Variants in ORC5 observed in about 807,000 individuals in gnomAD.
ORC5 encodes protein phosphatase 1, regulatory subunit 117.
ORC5 carries 39 observed loss-of-function variants against 58.8 expected under a neutral mutation model. The ratio of observed to expected loss-of-function variants is 0.66; its 90% CI spans 0.51 to 0.87. ORC5 has a LOEUF of 0.87. ORC5 is among the 40% of genes least tolerant of loss of function. The pLI is 0.00. For synonymous variants in ORC5, 218 were observed against 177.6 expected (o/e 1.23, Z -1.81); for missense variants, 493 against 506.3 (o/e 0.97, Z 0.25).
intron 8 of ORC5, among the ~76,000 whole-genome samples, chr7:104,175,172 T>G (rs917129117): frequency 3.3e-5 from 5 of 152,196 alleles, no homozygotes; most frequent in African/African-American, 9.7e-5. Flanking sequence ...AGAAAAGAAT[T>G]GAGGTTGCTG....
At position 104,200,814 on chromosome 7, in the gene ORC5, G is replaced by C. The variant is rs762714914; in HGVS notation, c.310C>G (p.Arg104Gly). ...GCTGTGGTTACTTGTTTAAACAAGC[G>C]AACAAAGTCATTAAATGTTTCACAG... The part of the protein sequence containing the change: ...ITCETFNDFV[R>G]LFKQVTTAEN... The change falls in exon 3 of 14, where the codon CGC (arginine) becomes GGC (glycine). Residue 104 changes from arginine to glycine, a missense_variant. Transcript: ENST00000297431. 6.2e-7 allele frequency: 1 copy of C among 1,612,370 alleles called. No individual in the cohort carries two copies. Among genetic ancestry groups the C allele is most frequent in the East Asian group, 2.2e-5 (1 of 44,866 alleles).
Position 104,165,227 on chromosome 7 carries a change from G to A in ORC5, c.1038+8C>T. ...AGTTTCTTCCATTAGAAATTAAAAT[G>A]TAAATACCTTTTCGTGTTTTTTTAG... On this transcript the variant is annotated splice_region_variant and intron_variant, in intron 11 of 13. Coordinates refer to ENST00000297431, the MANE Select transcript of ORC5 (RefSeq NM_002553.4). 4 of 1,388,602 alleles carry A rather than the reference G, an allele frequency of 2.9e-6. No individual in the cohort carries two copies. Among genetic ancestry groups the A allele is most frequent in the Non-Finnish European group, 4.0e-6 (4 of 995,306 alleles). 86.0% of individuals were successfully genotyped at this position (1,388,602 alleles called of 1,614,324 possible). A position where few individuals can be genotyped will look rare whatever the true frequency, so the allele number is the denominator to read the frequency against.
chr7:104,180,309 A>C (rs564689663), intron 8 of ORC5, among the ~76,000 whole-genome samples: 1 of 149,916 alleles, frequency 6.7e-6, no homozygotes, highest in African/African-American at 2.4e-5. Flanking sequence ...CTGTCCCAAG[A>C]AACAAATATT....
chr7:104,166,913 C>T (rs928126714), intron 9 of ORC5, 29 bp from the exon 10 acceptor site: 9 of 1,241,212 alleles, frequency 7.3e-6, no homozygotes, highest in Non-Finnish European at 1.1e-5. Context: ...TGATGAAGTA[C>T]TTATTAGGCT....
intron 5 of ORC5, among the ~76,000 whole-genome samples, chr7:104,190,789 T>C (rs1799657214): frequency 6.6e-6 from 1 of 151,970 alleles, no homozygotes; most frequent in African/African-American, 2.4e-5. Context: ...AAGGAAAAAC[T>C]CTTCCAGGAT....
At chr7:104,150,208 C>T (rs1798822273) in intron 12 of ORC5, among the ~76,000 whole-genome samples, 1 of 152,144 alleles carries the variant, frequency 6.6e-6, no homozygotes, top group South Asian at 2.1e-4. Context: ...TTTTAACATG[C>T]TCATTATTTT....
At chr7:104,142,579 A>G (rs1798690288) in intron 12 of ORC5, among the ~76,000 whole-genome samples, 1 of 152,228 alleles carries the variant, frequency 6.6e-6, no homozygotes, top group East Asian at 1.9e-4. Flanking sequence ...AAAAAGACTG[A>G]AAAAATCAAA....
At chr7:104,194,183 A>G (rs922166796) in intron 5 of ORC5, among the ~76,000 whole-genome samples, 2 of 150,656 alleles carry the variant, frequency 1.3e-5, no homozygotes, top group African/African-American at 2.4e-5. Context: ...ATGAGAAATT[A>G]ATGACAATAA....
chr7:104,132,114 A>G (rs1798521394), intron 13 of ORC5, among the ~76,000 whole-genome samples: 1 of 152,074 alleles, frequency 6.6e-6, no homozygotes, highest in Non-Finnish European at 1.5e-5. Context: ...TATGACTTCT[A>G]CTTCATCATA....
chr7:104,160,836 A>G (rs559020418), intron 12 of ORC5, among the ~76,000 whole-genome samples: 1 of 152,196 alleles, frequency 6.6e-6, no homozygotes, highest in Non-Finnish European at 1.5e-5. Context: ...TTTATTGAAA[A>G]AGAGCCAAAT....
At chr7:104,156,738 T>C (rs1562810412) in intron 12 of ORC5, among the ~76,000 whole-genome samples, 1 of 151,872 alleles carries the variant, frequency 6.6e-6, no homozygotes, top group African/African-American at 2.4e-5. Context: ...TTATAACTAA[T>C]AAAAAGCAAT....
At chr7:104,192,520 C>G (rs543648787) in intron 5 of ORC5, among the ~76,000 whole-genome samples, 1 of 151,962 alleles carries the variant, frequency 6.6e-6, no homozygotes. Context: ...GATCATCTCT[C>G]CAAAAAAAGC....
intron 13 of ORC5, among the ~76,000 whole-genome samples, chr7:104,131,683 C>T (rs1474475629): frequency 2.0e-5 from 3 of 151,956 alleles, no homozygotes; most frequent in Non-Finnish European, 4.4e-5. Context: ...AAAACCCCAT[C>T]TCTACTAAAA....
At chr7:104,150,112 A>C (rs1432376444) in intron 12 of ORC5, among the ~76,000 whole-genome samples, 2 of 152,164 alleles carry the variant, frequency 1.3e-5, no homozygotes, top group Non-Finnish European at 1.5e-5. Context: ...GAAATGCTTG[A>C]TGTAAAAACA....
At chr7:104,141,388 A>G (rs554005623) in intron 12 of ORC5, among the ~76,000 whole-genome samples, 81 of 152,250 alleles carry the variant, frequency 5.3e-4, no homozygotes, top group African/African-American at 1.9e-3. Context: ...CAGATTCCAC[A>G]CTTAATCTTC....
intron 8 of ORC5, among the ~76,000 whole-genome samples, chr7:104,169,234 A>G (rs1030288232): frequency 6.6e-6 from 1 of 152,220 alleles, no homozygotes; most frequent in African/African-American, 2.4e-5. Context: ...CAGAAAACTG[A>G]GGCTCAAAGA....
At chr7:104,157,974 T>C (rs1259493697) in intron 12 of ORC5, among the ~76,000 whole-genome samples, 2 of 152,122 alleles carry the variant, frequency 1.3e-5, no homozygotes, top group Non-Finnish European at 1.5e-5. Context: ...ACCTTAACTC[T>C]ATCCTTTGGA....
At chr7:104,135,183 G>C (rs1255596254) in intron 13 of ORC5, among the ~76,000 whole-genome samples, 2 of 152,118 alleles carry the variant, frequency 1.3e-5, no homozygotes, top group African/African-American at 4.8e-5. Context: ...CATATTCAGA[G>C]TAATAAAATC....
chr7:104,168,293 C>A, intron 9 of ORC5, 180 bp downstream of exon 9: 1 of 1,172,128 alleles, frequency 8.5e-7, no homozygotes, highest in Non-Finnish European at 1.1e-6. Flanking sequence ...TATTTCCTCC[C>A]ATTAAATTAG....
Sources: gnomAD v4.1 joint callset for allele counts (sites outside exome capture counted in the v4.1 genomes callset) on GRCh38, gnomAD v4.1.1 for gene constraint, MANE v1.5 for transcripts, NCBI Gene and HGNC (gene_info 2026-07-23, HGNC 2026-07-21) for gene names.